The following SERINC5 variants were observed in gnomAD, a reference collection of about 807,000 sequenced individuals.
SERINC5 encodes serine incorporator 5, also known as chromosome 5 open reading frame 12.
A neutral mutation model predicts 63.1 loss-of-function variants in SERINC5; 41 were observed. The observed-to-expected ratio is 0.65, with a 90% confidence interval of 0.51 to 0.84. The LOEUF is 0.84. SERINC5 is among the 40% of genes least tolerant of loss of function. The pLI is 0.00. For synonymous variants in SERINC5, 222 were observed against 215.2 expected, an observed-to-expected ratio of 1.03 and a Z score of -0.28; for missense variants, 523 against 573.0, an observed-to-expected ratio of 0.91 and a Z score of 0.89.
intron 1 of SERINC5, among the ~76,000 whole-genome samples, chr5:80,244,821 C>CA (rs34510454): frequency 6.6e-6 from 1 of 152,076 alleles, no homozygotes; most frequent in Non-Finnish European, 1.5e-5. Context: ...GACTCCGTCT[C>CA]AAAAAAACAA....
intron 11 of SERINC5, chr5:80,128,390 C>G (rs1744823667): frequency 6.6e-6 from 1 of 152,238 alleles, no homozygotes; most frequent in African/African-American, 2.4e-5. Flanking sequence ...ACCTGACGTC[C>G]TTGAGCTGCT....
rs779665855 is a variant in SERINC5 at position 80,143,350 on chromosome 5, T to C, written c.*313A>G. ...AGATATTTTTATCCCTGTGAAAAGA[T>C]GCTGTGCCCCAAATTCTGTTTTGGC... On this transcript the variant is annotated 3_prime_UTR_variant, in exon 12 of 12. Coordinates refer to ENST00000507668, the MANE Select transcript of SERINC5 (RefSeq NM_001174072.3). 113 of 1,076,908 alleles carry C rather than the reference T, an allele frequency of 1.0e-4. No homozygotes were observed. The highest frequency in any genetic ancestry group is 1.2e-4 in the Non-Finnish European group (108 of 889,232). 66.7% of individuals were successfully genotyped at this position (1,076,908 alleles called of 1,614,324 possible). A position where few individuals can be genotyped will look rare whatever the true frequency, so the allele number is the denominator to read the frequency against.
Position 80,179,693 on chromosome 5 carries a change from C to T in SERINC5, c.196-1629G>A, listed in dbSNP as rs1748292039. Among the ~76,000 whole-genome samples, 3 of 152,200 alleles carry T rather than the reference C, an allele frequency of 2.0e-5. No individual in the cohort carries two copies. In the South Asian group the frequency reaches 6.2e-4, roughly 32 times the overall value. On this transcript the variant is annotated intron_variant, in intron 2 of 11. Transcript: ENST00000507668. Reference sequence around the variant, plus strand: ...TTACACTATATTACTGGCTAAGGTTCCCTAATCCAAAAAAATCCAGAATGC... The same window carrying T: ...TTACACTATATTACTGGCTAAGGTTTCCTAATCCAAAAAAATCCAGAATGC...
intron 2 of SERINC5, among the ~76,000 whole-genome samples, chr5:80,191,479 CAA>C (rs1167390197): frequency 2.6e-5 from 1 of 38,532 alleles, no homozygotes; most frequent in Non-Finnish European, 6.0e-5. Flanking sequence ...TCCATCTCTA[CAA>C]AAAAAAAAAA....
chr5:80,151,606 G>A (rs72776234), intron 8 of SERINC5, among the ~76,000 whole-genome samples: 158 of 152,332 alleles, frequency 1.0e-3, no homozygotes, highest in South Asian at 2.1e-3. Flanking sequence ...CTTGAGGCCA[G>A]GAGTTTGAGA....
downstream of SERINC5, among the ~76,000 whole-genome samples, chr5:80,135,318 G>C (rs1415754267): frequency 6.6e-6 from 1 of 152,202 alleles, no homozygotes; most frequent in East Asian, 1.9e-4. Flanking sequence ...ACAGGCATGA[G>C]CCACCACGCC....
intron 11 of SERINC5, among the ~76,000 whole-genome samples, chr5:80,124,105 C>T (rs945743485): frequency 3.3e-5 from 5 of 152,172 alleles, no homozygotes; most frequent in African/African-American, 1.2e-4. Flanking sequence ...GGGAAGCCAA[C>T]ATATTATCTG....
At chr5:80,233,673 A>G (rs957630059) in intron 1 of SERINC5, among the ~76,000 whole-genome samples, 4 of 152,062 alleles carry the variant, frequency 2.6e-5, no homozygotes, top group African/African-American at 7.2e-5. Context: ...CTATAAATAA[A>G]AAGTATCCCC....
intron 1 of SERINC5, among the ~76,000 whole-genome samples, chr5:80,232,246 T>C (rs6859045): frequency 0.48 from 71,277 of 147,554 alleles, 18,236 homozygotes; most frequent in African/African-American, 0.68. Context: ...CTACTAAAAA[T>C]ACAAAAAAAA....
chr5:80,202,817 A>C, intron 2 of SERINC5, 69 bp downstream of exon 2: 1 of 1,487,326 alleles, frequency 6.7e-7, no homozygotes, highest in South Asian at 1.3e-5. Context: ...CCATCTTCTA[A>C]ATCATGTTTT....
downstream of SERINC5, among the ~76,000 whole-genome samples, chr5:80,137,845 G>A (rs1266451103): frequency 1.3e-5 from 2 of 152,084 alleles, no homozygotes; most frequent in African/African-American, 2.4e-5. Context: ...GGAGGCTGAG[G>A]CAGGAGGATT....
At chr5:80,249,574 G>A (rs187764457) in intron 1 of SERINC5, among the ~76,000 whole-genome samples, 42 of 152,174 alleles carry the variant, frequency 2.8e-4, no homozygotes, top group Non-Finnish European at 4.7e-4. Context: ...AGGCTGAGGC[G>A]GGCAGATCAC....
chr5:80,138,174 G>A (rs1282217814), downstream of SERINC5, among the ~76,000 whole-genome samples: 1 of 152,022 alleles, frequency 6.6e-6, no homozygotes, highest in Non-Finnish European at 1.5e-5. Context: ...GGCTGGAGGT[G>A]GGGGACTGGG....
At position 80,141,044 on chromosome 5, in the gene SERINC5, A is replaced by G. The variant is rs917173141; in HGVS notation, c.*2619T>C. The G allele has an allele frequency of 5.7e-5, 56 of 985,292 alleles. No individual in the cohort carries two copies. The highest frequency in any genetic ancestry group is 6.6e-5 in the Non-Finnish European group (55 of 829,918). 61.0% of individuals were successfully genotyped at this position (985,292 alleles called of 1,614,324 possible). A position where few individuals can be genotyped will look rare whatever the true frequency, so the allele number is the denominator to read the frequency against. ...AAATCACAATTGCACAAAACTGTAG[A>G]TTCTTTAAATCCAGGAATGTTGACT... On this transcript the variant is annotated 3_prime_UTR_variant, in exon 12 of 12. Coordinates refer to ENST00000507668, the MANE Select transcript of SERINC5 (RefSeq NM_001174072.3).
chr5:80,206,314 T>A (rs1176672482), intron 1 of SERINC5, among the ~76,000 whole-genome samples: 1 of 152,134 alleles, frequency 6.6e-6, no homozygotes, highest in Non-Finnish European at 1.5e-5. Context: ...CGATCACAGG[T>A]ATATGGGTAA....
intron 11 of SERINC5, among the ~76,000 whole-genome samples, chr5:80,119,718 G>A (rs1580013721): frequency 6.6e-6 from 1 of 152,228 alleles, no homozygotes; most frequent in African/African-American, 2.4e-5. Flanking sequence ...AGGGAAAGCT[G>A]TTCTGGTATA....
intron 4 of SERINC5, 85 bp from the exon 5 acceptor site, chr5:80,175,132 G>T: frequency 1.3e-6 from 1 of 794,000 alleles, no homozygotes; most frequent in Non-Finnish European, 2.1e-6. Context: ...ATTTTTACTA[G>T]ATGATCAGTG....
intron 1 of SERINC5, 72 bp from the exon 2 acceptor site, chr5:80,203,125 G>C (rs972450976): frequency 7.0e-7 from 1 of 1,432,498 alleles, no homozygotes; most frequent in African/African-American, 1.4e-5. Flanking sequence ...GCCAGGCACT[G>C]TGGTACACAT....
chr5:80,202,366 G>A (rs1327621201), intron 2 of SERINC5, among the ~76,000 whole-genome samples: 4 of 152,072 alleles, frequency 2.6e-5, no homozygotes, highest in African/African-American at 9.7e-5. Flanking sequence ...ATACACAATC[G>A]TCTGACATAA....
Sources: allele counts gnomAD v4.1 joint callset (sites outside exome capture counted in the v4.1 genomes callset), GRCh38; gene constraint gnomAD v4.1.1; transcripts MANE v1.5; gene names NCBI Gene and HGNC (gene_info 2026-07-23, HGNC 2026-07-21).